Variants in PPP2R3A observed in about 807,000 individuals in gnomAD.
PPP2R3A encodes serine/threonine-protein phosphatase 2A regulatory subunit B'' subunit alpha.
Under a neutral mutation model 106.9 loss-of-function variants are expected in PPP2R3A, and 80 were observed. The observed-to-expected ratio is 0.75, with a 90% CI of 0.62 to 0.90. The LOEUF (loss-of-function observed/expected upper bound fraction) is 0.90. Ranked by LOEUF, PPP2R3A falls within the 40% of genes least tolerant of loss-of-function variation. PPP2R3A has a pLI of 0.00. For synonymous variants in PPP2R3A, 483 were observed against 468.3 expected (o/e 1.03, Z -0.41); for missense variants, 1,386 against 1,350.4 (o/e 1.03, Z -0.41).
At position 136,002,818 on chromosome 3, in the gene PPP2R3A, G is replaced by A. The variant is rs1236396465; in HGVS notation, c.1320G>A (p.Glu440=). ...GQKTENGPSH[E]LLKVNEHRAE... ...AGACAGAGAATGGACCTAGTCATGAGTTATTAAAGGTAAATGAACATAGAG... is the reference window on the plus strand; with the variant it reads ...AGACAGAGAATGGACCTAGTCATGAATTATTAAAGGTAAATGAACATAGAG... The change falls in exon 2 of 14, where the codon GAG becomes GAA. Residue 440 remains glutamate, a synonymous_variant. Coordinates refer to ENST00000264977, the MANE Select transcript of PPP2R3A (RefSeq NM_002718.5). The A allele has an allele frequency of 6.2e-7, 1 of 1,613,972 alleles. No homozygotes were observed. Among genetic ancestry groups the A allele is most frequent in the Non-Finnish European group, 8.5e-7 (1 of 1,179,928 alleles).
At chr3:136,088,367 G>A (rs1003820617) in intron 9 of PPP2R3A, among the ~76,000 whole-genome samples, 5 of 152,192 alleles carry the variant, frequency 3.3e-5, no homozygotes, top group African/African-American at 1.2e-4. Context: ...TTCTGTTCCT[G>A]TGTTAATTCG....
intron 4 of PPP2R3A, among the ~76,000 whole-genome samples, chr3:136,042,741 C>A (rs755333988): frequency 2.0e-5 from 3 of 152,106 alleles, no homozygotes; most frequent in Non-Finnish European, 2.9e-5. Flanking sequence ...CAGAAAAATT[C>A]TATGAATAGA....
rs150966463 is a variant in PPP2R3A, at chr3:136,054,787, C to G, written c.2469+5426C>G. The stretch of plus-strand genomic sequence containing the variant: ...CAGTCTTAGGTAAATGGTAAAGTAA[C>G]ATATTTTTGCCCTGATGCCATTGGT... On this transcript the variant is annotated intron_variant, in intron 5 of 13. Coordinates refer to ENST00000264977, the MANE Select transcript of PPP2R3A (RefSeq NM_002718.5). Among the ~76,000 whole-genome samples the G allele has an allele frequency of 4.8e-3, 735 of 152,240 alleles. 2 individuals carry two copies. The highest frequency in any genetic ancestry group is 0.027 in the Middle Eastern group (8 of 294).
At chr3:135,970,081 C>T (rs1937202015) in intron 1 of PPP2R3A, among the ~76,000 whole-genome samples, 1 of 152,212 alleles carries the variant, frequency 6.6e-6, no homozygotes, top group Non-Finnish European at 1.5e-5. Flanking sequence ...TGTGGTCCAC[C>T]TAAGAAATTT....
Position 135,973,182 on chromosome 3 carries a change from A to G in PPP2R3A, c.-441+7333A>G, listed in dbSNP as rs536596259. ...CCAGTTATCCCAGCATAATTTGTTG[A>G]AAGAGCTGTGTGATTTATGCAAGTC... On this transcript the variant is annotated intron_variant, in intron 1 of 13. Coordinates refer to ENST00000264977, the MANE Select transcript of PPP2R3A (RefSeq NM_002718.5). 2.6e-5 allele frequency among the ~76,000 whole-genome samples: 4 copies of G among 152,330 alleles called. No homozygotes were observed. In the East Asian group the frequency reaches 7.7e-4, roughly 29 times the overall value.
intron 3 of PPP2R3A, among the ~76,000 whole-genome samples, chr3:136,027,384 T>TA (rs1276951777): frequency 2.0e-5 from 3 of 152,168 alleles, no homozygotes; most frequent in African/African-American, 7.2e-5. Flanking sequence ...TATTGTCAAA[T>TA]ACTTGTTTGT....
intron 3 of PPP2R3A, among the ~76,000 whole-genome samples, chr3:136,032,365 C>T (rs150566054): frequency 8.6e-5 from 13 of 152,026 alleles, no homozygotes; most frequent in African/African-American, 2.9e-4. Flanking sequence ...GCTACTGATT[C>T]GTGTACATTA....
Sources: allele counts gnomAD v4.1 joint callset (sites outside exome capture counted in the v4.1 genomes callset), GRCh38; gene constraint gnomAD v4.1.1; transcripts MANE v1.5; gene names NCBI Gene and HGNC (gene_info 2026-07-23, HGNC 2026-07-21).